Variants in CNGB3 observed in about 807,000 individuals in gnomAD.
CNGB3 encodes cyclic nucleotide gated channel subunit beta 3.
A neutral mutation model predicts 92.8 loss-of-function variants in CNGB3; 86 were observed. The ratio of observed to expected loss-of-function variants is 0.93; its 90% CI spans 0.78 to 1.11. The LOEUF is 1.11. Among genes scored for constraint, CNGB3 ranks in the 50% least tolerant of loss-of-function variants. The probability of loss-of-function intolerance (pLI) is 0.00; values close to 1 mark genes in which losing one functional copy is unlikely to be tolerated. For missense variants in CNGB3, 1,026 were observed against 956.8 expected (o/e 1.07, Z -0.95); for synonymous variants, 333 against 332.7 (o/e 1.00, Z -0.01).
intron 3 of CNGB3, among the ~76,000 whole-genome samples, chr8:86,706,136 ATTATAT>A (rs1376276459): frequency 1.3e-5 from 2 of 152,218 alleles, no homozygotes; most frequent in Non-Finnish European, 2.9e-5. Flanking sequence ...ACTTTTAAAA[ATTATAT>A]TTATAAAGTA....
At chr8:86,739,300 T>C (rs1825300156) in intron 2 of CNGB3, among the ~76,000 whole-genome samples, 2 of 152,212 alleles carry the variant, frequency 1.3e-5, no homozygotes, top group South Asian at 4.1e-4. Flanking sequence ...ATATTGCTTA[T>C]CAATGTCTGA....
intron 6 of CNGB3, among the ~76,000 whole-genome samples, chr8:86,654,461 C>T (rs1280384939): frequency 1.3e-5 from 2 of 152,114 alleles, no homozygotes; most frequent in Non-Finnish European, 2.9e-5. Flanking sequence ...CCTGTTATGG[C>T]ATTCATCATG....
In CNGB3 at chr8:86,643,833, T is replaced by C. The variant is rs969464552; in HGVS notation, c.1096A>G (p.Ile366Val). 3.1e-6 allele frequency: 5 copies of C among 1,607,502 alleles called. No individual in the cohort carries two copies. Among genetic ancestry groups the C allele is most frequent in the Middle Eastern group, 1.7e-4 (1 of 6,036 alleles). Reference protein sequence around the residue: ...TTGYLLFILHINACVYYWASN... With the variant: ...TTGYLLFILHVNACVYYWASN... Reference sequence around the variant, plus strand: ...GCCCAGTAATAAACACAGGCATTAATGTGCAGAATAAACAGCAAGTATCCA... The same window carrying C: ...GCCCAGTAATAAACACAGGCATTAACGTGCAGAATAAACAGCAAGTATCCA... The change falls in exon 10 of 18, where the codon ATT (isoleucine) becomes GTT (valine). Residue 366 changes from isoleucine to valine, a missense_variant. Ile to Val is a conservative substitution (Grantham distance 29). Coordinates refer to ENST00000320005, the MANE Select transcript of CNGB3 (RefSeq NM_019098.5).
intron 3 of CNGB3, among the ~76,000 whole-genome samples, chr8:86,723,499 T>C (rs1370669840): frequency 6.6e-6 from 1 of 152,176 alleles, no homozygotes; most frequent in African/African-American, 2.4e-5. Flanking sequence ...ATAATTTCAA[T>C]AATTATTTTA....
intron 3 of CNGB3, among the ~76,000 whole-genome samples, chr8:86,726,258 A>T (rs1365632837): frequency 1.3e-5 from 2 of 152,196 alleles, no homozygotes; most frequent in African/African-American, 4.8e-5. Flanking sequence ...TGATACAATG[A>T]CTCATACATG....
intron 15 of CNGB3, among the ~76,000 whole-genome samples, chr8:86,587,452 A>G (rs1228107366): frequency 6.6e-5 from 10 of 152,122 alleles, no homozygotes; most frequent in African/African-American, 2.4e-4. Context: ...GTTTTCTTCT[A>G]GGGTTTTGAT....
chr8:86,630,889 G>A (rs1286404282), intron 11 of CNGB3, among the ~76,000 whole-genome samples: 2 of 152,098 alleles, frequency 1.3e-5, no homozygotes, highest in African/African-American at 2.4e-5. Flanking sequence ...AAAAAAGAGT[G>A]ATGATTAGTT....
intron 7 of CNGB3, among the ~76,000 whole-genome samples, chr8:86,650,414 A>T (rs1247235806): frequency 1.3e-5 from 2 of 151,532 alleles, no homozygotes; most frequent in African/African-American, 4.8e-5. Context: ...GAGTCATTAT[A>T]TGAAAAAGAC....
chr8:86,667,629 C>A (rs1210496664), intron 5 of CNGB3, among the ~76,000 whole-genome samples: 4 of 152,188 alleles, frequency 2.6e-5, no homozygotes, highest in African/African-American at 9.6e-5. Context: ...TCACACATAG[C>A]CCTTCTCTGC....
chr8:86,575,852 G>T lies in CNGB3; in HGVS notation c.2382C>A (p.Gly794=), dbSNP rs945309818. The T allele has an allele frequency of 1.9e-6, 3 of 1,613,114 alleles. No homozygotes were observed. Among genetic ancestry groups the T allele is most frequent in the Non-Finnish European group, 2.5e-6 (3 of 1,179,778 alleles). ...LIISMAPSAE[G]GEEVLTIEVK... ...CTTCAATAGTAAGAACCTCTTCTCCGCCCTCAGCAGAAGGAGCCATGCTGA... is the reference window on the plus strand; with the variant it reads ...CTTCAATAGTAAGAACCTCTTCTCCTCCCTCAGCAGAAGGAGCCATGCTGA... Residue 794 remains glycine (G), a synonymous_variant, in exon 18 of 18, where the codon GGC becomes GGA. Coordinates refer to ENST00000320005, the MANE Select transcript of CNGB3 (RefSeq NM_019098.5).
chr8:86,629,182 T>C, intron 11 of CNGB3, 104 bp from the exon 12 acceptor site: 1 of 1,251,570 alleles, frequency 8.0e-7, no homozygotes, highest in Non-Finnish European at 1.2e-6. Context: ...AATGCCCTGA[T>C]TACTTGATTT....
intron 3 of CNGB3, among the ~76,000 whole-genome samples, chr8:86,716,624 A>G (rs1385482950): frequency 6.6e-6 from 1 of 152,212 alleles, no homozygotes; most frequent in African/African-American, 2.4e-5. Context: ...GAAACTAAGC[A>G]TCATGAAAGA....
chr8:86,665,937 G>A (rs1219328864), intron 6 of CNGB3, among the ~76,000 whole-genome samples: 1 of 152,202 alleles, frequency 6.6e-6, no homozygotes, highest in Non-Finnish European at 1.5e-5. Context: ...TGCTTTGTAA[G>A]TTAGGTTTTC....
chr8:86,658,823 A>T, intron 6 of CNGB3: 1 of 600,594 alleles, frequency 1.7e-6, no homozygotes, highest in Non-Finnish European at 3.0e-6. Flanking sequence ...AGACTGCATG[A>T]CTGATGGTGG....
At chr8:86,593,939 C>A in intron 15 of CNGB3, 2 of 542,834 alleles carry the variant, frequency 3.7e-6, no homozygotes, top group South Asian at 3.4e-5. Context: ...GGAGTGGAAT[C>A]GGATCCTGTA....
At chr8:86,698,496 T>A (rs1824491398) in intron 3 of CNGB3, among the ~76,000 whole-genome samples, 1 of 152,232 alleles carries the variant, frequency 6.6e-6, no homozygotes, top group South Asian at 2.1e-4. Context: ...GATTCCTTGC[T>A]CCATTCCCTC....
intron 15 of CNGB3, among the ~76,000 whole-genome samples, chr8:86,579,675 T>G (rs2131533191): frequency 6.6e-6 from 1 of 152,322 alleles, no homozygotes; most frequent in African/African-American, 2.4e-5. Context: ...TGGAAAAGAC[T>G]AATAGGAAAT....
intron 17 of CNGB3, among the ~76,000 whole-genome samples, chr8:86,577,113 A>G (rs1821675950): frequency 6.8e-6 from 1 of 147,530 alleles, no homozygotes; most frequent in Admixed American, 7.1e-5. Flanking sequence ...AGAATCAAAG[A>G]AATATGAAAC....
At chr8:86,692,136 G>T (rs528293188) in intron 3 of CNGB3, among the ~76,000 whole-genome samples, 1 of 152,054 alleles carries the variant, frequency 6.6e-6, no homozygotes, top group East Asian at 1.9e-4. Context: ...GACTTGTTTC[G>T]TATTCTGTCA....
Sources: allele counts gnomAD v4.1 joint callset (sites outside exome capture counted in the v4.1 genomes callset), GRCh38; gene constraint gnomAD v4.1.1; transcripts MANE v1.5; gene names NCBI Gene and HGNC (gene_info 2026-07-23, HGNC 2026-07-21).